DNAH5: variants seen among roughly 807,000 people sequenced by gnomAD.
DNAH5 encodes the protein axonemal beta dynein heavy chain 5.
A neutral mutation model predicts 518.2 loss-of-function variants in DNAH5; 372 were observed. That is an observed-to-expected ratio of 0.72 (90% confidence interval 0.66 to 0.78). The LOEUF (loss-of-function observed/expected upper bound fraction) is 0.78. DNAH5 is among the 30% of genes least tolerant of loss of function. The pLI is 0.00. For missense variants in DNAH5, 5,523 were observed against 5,687.0 expected, an observed-to-expected ratio of 0.97 and a Z score of 0.93; for synonymous variants, 2,039 against 2,025.9, an observed-to-expected ratio of 1.01 and a Z score of -0.17.
intron 55 of DNAH5, 42 bp downstream of exon 55, chr5:13,776,397 T>C (rs1754092210): frequency 6.2e-7 from 1 of 1,612,990 alleles, no homozygotes; most frequent in African/African-American, 1.3e-5. Flanking sequence ...CTAGAATCCT[T>C]GAACACATGT....
rs368441809 is a variant in DNAH5 at position 13,817,652 on chromosome 5, G to C, written c.6884C>G (p.Ala2295Gly). The C allele has an allele frequency of 1.2e-6, 2 of 1,614,006 alleles. No individual in the cohort carries two copies. Among genetic ancestry groups the C allele is most frequent in the African/African-American group, 2.7e-5 (2 of 74,900 alleles). ...ACCAAACATCTGTGGGGCAGTAATC[G>C]CTTTGGGATTCATCCTCATTTCCCG... is the stretch of plus-strand genomic sequence containing the variant. ...PHREMRMNPK[A>G]ITAPQMFGRL... The change falls in exon 42 of 79, where the codon GCG becomes GGG. Residue 2295 changes from alanine to glycine, a missense_variant. Physicochemically the swap from Ala to Gly is moderately conservative, Grantham distance 60 (BLOSUM62 0). Coordinates refer to ENST00000265104, the MANE Select transcript of DNAH5 (RefSeq NM_001369.3).
chr5:13,810,153 C>T lies in DNAH5; in HGVS notation c.7515G>A (p.Glu2505=), dbSNP rs1032671138. 4 of 1,548,542 alleles carry T rather than the reference C, an allele frequency of 2.6e-6. No individual in the cohort carries two copies. Residue 2505 remains glutamate, a synonymous_variant, in exon 45 of 79, where the codon GAG becomes GAA. Coordinates refer to ENST00000265104, the MANE Select transcript of DNAH5 (RefSeq NM_001369.3). ...CTGTGGGCCGAGAGCGCAGCCAGAG[C>T]TCCAGGCGGCGCCGTCCGTCCAGCT... ...ALELDGRRRL[E]LWLRSRPTGT...
chr5:13,949,210 T>G (rs893484360), upstream of DNAH5, among the ~76,000 whole-genome samples: 2 of 152,230 alleles, frequency 1.3e-5, no homozygotes, highest in East Asian at 3.8e-4. Context: ...AATAAAGCTC[T>G]AATTCTTTAC....
rs560077599 is a variant in DNAH5 at position 13,729,491 on chromosome 5, A to G, written c.11831T>C (p.Leu3944Pro). 1.9e-6 allele frequency: 3 copies of G among 1,614,074 alleles called. No homozygotes were observed. In the African/African-American group the frequency reaches 4.0e-5, roughly 22 times the overall value. Residue 3944 changes from leucine to proline, a missense_variant, in exon 69 of 79, where the codon CTG (leucine) becomes CCG (proline). This residue lies in a region of DNAH5 where 5,121 missense variants were observed against 5,223.3 expected (regional missense o/e 0.98). Coordinates refer to ENST00000265104, the MANE Select transcript of DNAH5 (RefSeq NM_001369.3). ...PSKWILDITW[L>P]NLVELSKLRQ... ...GAGTTTGCTAAGTTCCACCAAATTC[A>G]GCCATGTTATGTCCAGGATCCATTT...
chr5:13,894,901 G>T, intron 15 of DNAH5, 80 bp from the exon 16 acceptor site: 1 of 1,513,710 alleles, frequency 6.6e-7, no homozygotes, highest in South Asian at 1.1e-5. Flanking sequence ...TATACAAAAT[G>T]ACTACTTTTA....
At chr5:13,870,494 G>T (rs369121006) in intron 24 of DNAH5, among the ~76,000 whole-genome samples, 1 of 152,002 alleles carries the variant, frequency 6.6e-6, no homozygotes, top group East Asian at 1.9e-4. Flanking sequence ...TGATTCCCTC[G>T]CCCCTCTTCT....
intron 45 of DNAH5, 82 bp from the exon 46 acceptor site, chr5:13,809,268 A>C (rs1251425951): frequency 1.3e-5 from 19 of 1,518,044 alleles, no homozygotes; most frequent in African/African-American, 4.1e-5. Flanking sequence ...TTGAAATCTT[A>C]TGAGGTCACC....
chr5:13,776,749 G>A (rs772023717), intron 54 of DNAH5, 43 bp from the exon 55 acceptor site: 1 of 1,602,394 alleles, frequency 6.2e-7, no homozygotes. Context: ...ACACACATAG[G>A]AAAATAGATC....
intron 1 of DNAH5, among the ~76,000 whole-genome samples, chr5:13,987,591 G>A (rs942547677): frequency 6.6e-6 from 1 of 152,146 alleles, no homozygotes; most frequent in African/African-American, 2.4e-5. Flanking sequence ...AGTGGCTCAC[G>A]CCTGTAATCC....
At chr5:13,783,146 T>TTAC (rs936282228) in intron 52 of DNAH5, among the ~76,000 whole-genome samples, 1 of 152,038 alleles carries the variant, frequency 6.6e-6, no homozygotes, top group Non-Finnish European at 1.5e-5. Flanking sequence ...ACAAAGAAGG[T>TTAC]GGTATGCCAG....
At chr5:13,985,493 A>G (rs1581113686) in intron 1 of DNAH5, among the ~76,000 whole-genome samples, 1 of 147,736 alleles carries the variant, frequency 6.8e-6, no homozygotes, top group South Asian at 2.1e-4. Context: ...TCCTCCCAAG[A>G]GCTTCCAGAA....
chr5:13,760,448 A>G (rs1379149668), intron 60 of DNAH5, among the ~76,000 whole-genome samples: 1 of 152,214 alleles, frequency 6.6e-6, no homozygotes. Context: ...CCGGCACATA[A>G]CATGAGTTCA....
intron 1 of DNAH5, chr5:13,931,965 T>G (rs1228274154): frequency 6.6e-6 from 1 of 152,488 alleles, no homozygotes; most frequent in Admixed American, 6.5e-5. Context: ...TCAGTATGAA[T>G]GTACCATACT....
At chr5:13,738,764 T>C (rs551617810) in intron 65 of DNAH5, among the ~76,000 whole-genome samples, 1 of 152,204 alleles carries the variant, frequency 6.6e-6, no homozygotes, top group South Asian at 2.1e-4. Context: ...TGGCACCAAG[T>C]CAAATTGTAC....
chr5:13,797,052 A>C (rs2126933285), intron 47 of DNAH5, among the ~76,000 whole-genome samples: 1 of 152,360 alleles, frequency 6.6e-6, no homozygotes, highest in Middle Eastern at 3.4e-3. Flanking sequence ...AAATTAATTC[A>C]AGATGGATTA....
At chr5:13,749,579 T>C (rs1749917406) in intron 65 of DNAH5, among the ~76,000 whole-genome samples, 1 of 152,200 alleles carries the variant, frequency 6.6e-6, no homozygotes, top group Non-Finnish European at 1.5e-5. Flanking sequence ...TCAGATCAAA[T>C]TATTTGTTCC....
chr5:13,784,907 T>C (rs192271304), intron 52 of DNAH5, among the ~76,000 whole-genome samples: 51 of 152,280 alleles, frequency 3.3e-4, no homozygotes, highest in Admixed American at 1.0e-3. Flanking sequence ...GATACGGTAA[T>C]GACTCATATC....
chr5:13,796,976 G>C (rs1757921839), intron 47 of DNAH5, among the ~76,000 whole-genome samples: 1 of 152,208 alleles, frequency 6.6e-6, no homozygotes, highest in Non-Finnish European at 1.5e-5. Context: ...AATAAATGGT[G>C]CTGGGAAAAC....
chr5:13,818,374 A>G (rs1395337463), intron 41 of DNAH5, among the ~76,000 whole-genome samples: 3 of 152,186 alleles, frequency 2.0e-5, no homozygotes, highest in African/African-American at 7.2e-5. Flanking sequence ...CAAGGCGGGC[A>G]GATCATGAGG....
Sources: gnomAD v4.1 joint callset for allele counts (sites outside exome capture counted in the v4.1 genomes callset) on GRCh38, gnomAD v4.1.1 for gene constraint, gnomAD v4.1.1 regional missense constraint, MANE v1.5 for transcripts, NCBI Gene and HGNC (gene_info 2026-07-23, HGNC 2026-07-21) for gene names.